Variants in MAP4K4 observed in about 807,000 individuals in gnomAD.
MAP4K4 encodes the protein HPK/GCK-like kinase HGK.
Under a neutral mutation model 189.6 loss-of-function variants are expected in MAP4K4, and 38 were observed. That is an observed-to-expected ratio of 0.20 (90% CI 0.15 to 0.26). The LOEUF is 0.26. MAP4K4 is among the 10% of genes least tolerant of loss of function. The pLI is 1.00. For missense variants in MAP4K4, 1,054 were observed against 1,726.9 expected, an observed-to-expected ratio of 0.61 and a Z score of 6.91; for synonymous variants, 610 against 624.3, an observed-to-expected ratio of 0.98 and a Z score of 0.34.
In MAP4K4 at chr2:101,778,046, T is replaced by G. The variant is rs12467640; in HGVS notation, c.124-12674T>G. On this transcript the variant is annotated intron_variant, in intron 2 of 32. Transcript: ENST00000324219. ...TGTTCTATTTCTACCAGTAATTCCG[T>G]AGGGGTAATTTTGGATGCTTGTGGG... Among the ~76,000 whole-genome samples the G allele has an allele frequency of 7.0e-3, 1,060 of 152,256 alleles. 51 individuals are homozygous for G. In the East Asian group the frequency reaches 0.12, roughly 18 times the overall value.
intron 2 of MAP4K4, among the ~76,000 whole-genome samples, chr2:101,779,263 T>G (rs1477870304): frequency 6.6e-6 from 1 of 152,084 alleles, no homozygotes; most frequent in African/African-American, 2.4e-5. Context: ...TCATCAAAAT[T>G]TTCCCTTTGC....
At chr2:101,856,175 G>T (rs2097448123) in intron 13 of MAP4K4, 37 bp downstream of exon 13, 2 of 1,539,112 alleles carry the variant, frequency 1.3e-6, no homozygotes. Flanking sequence ...ATACACTTGT[G>T]AAGTTTGTTA....
At chr2:101,835,664 AT>A (rs2096729246) in intron 8 of MAP4K4, among the ~76,000 whole-genome samples, 1 of 152,164 alleles carries the variant, frequency 6.6e-6, no homozygotes. Context: ...AAACTTTCCA[AT>A]GTCTTTTTGA....
chr2:101,869,732 G>A (rs773687320), exon 22 of MAP4K4: 1 of 1,595,020 alleles, frequency 6.3e-7, no homozygotes, highest in South Asian at 1.1e-5. Context: ...CGGATGAGGA[G>A]GACGACGATG....
At chr2:101,801,083 A>AGCT (rs2094322217) in intron 3 of MAP4K4, among the ~76,000 whole-genome samples, 1 of 152,082 alleles carries the variant, frequency 6.6e-6, no homozygotes, top group Non-Finnish European at 1.5e-5. Context: ...TCCTTTCCCC[A>AGCT]GCTGCTGCTG....
rs557652838 is a variant in MAP4K4 at position 101,825,980 on chromosome 2, C to T, written c.417+551C>T. 7.1e-4 allele frequency among the ~76,000 whole-genome samples: 108 copies of T among 152,254 alleles called. 2 individuals carry two copies. The highest frequency in any genetic ancestry group is 1.8e-4 in the Non-Finnish European group (12 of 68,018). On this transcript the variant is annotated intron_variant, in intron 5 of 32. Coordinates refer to ENST00000324219, the Ensembl canonical transcript of MAP4K4. Reference sequence around the variant, plus strand: ...CTATTTTAGCAGCTTTTAAATGGTTCTTTTGAGTAGTAAAGCCATATTGAC... The same window carrying T: ...CTATTTTAGCAGCTTTTAAATGGTTTTTTTGAGTAGTAAAGCCATATTGAC...
intron 9 of MAP4K4, 23 bp from the exon 10 acceptor site, chr2:101,839,796 A>G: frequency 2.0e-6 from 3 of 1,537,390 alleles, no homozygotes; most frequent in Non-Finnish European, 1.7e-6. Flanking sequence ...TGGAAATTTG[A>G]TGATCTTTTT....
chr2:101,735,099 T>A (rs2059850933), intron 2 of MAP4K4, among the ~76,000 whole-genome samples: 1 of 152,236 alleles, frequency 6.6e-6, no homozygotes, highest in Non-Finnish European at 1.5e-5. Flanking sequence ...TTATTTTCCC[T>A]TGATTAAGAG....
At chr2:101,870,310 G>C in exon 23 of MAP4K4, 8 of 1,612,898 alleles carry the variant, frequency 5.0e-6, no homozygotes, top group Non-Finnish European at 6.8e-6. Context: ...CTCTGAATTT[G>C]AGCAATGGTG....
intron 2 of MAP4K4, among the ~76,000 whole-genome samples, chr2:101,706,086 G>T (rs942519203): frequency 4.3e-4 from 65 of 152,278 alleles, no homozygotes; most frequent in African/African-American, 1.4e-3. Flanking sequence ...TGAATCGATA[G>T]TTATAATCAA....
intron 16 of MAP4K4, 78 bp downstream of exon 16, chr2:101,861,064 CAGTTT>C: frequency 7.4e-7 from 1 of 1,348,508 alleles, no homozygotes; most frequent in Non-Finnish European, 1.0e-6. Flanking sequence ...TGTAATATCA[CAGTTT>C]AGTTTGTCAC....
At chr2:101,790,856 GT>G (rs1426334508) in intron 3 of MAP4K4, 80 bp downstream of exon 3, 1 of 1,221,038 alleles carries the variant, frequency 8.2e-7, no homozygotes, top group Non-Finnish European at 1.2e-6. Flanking sequence ...GTATTACTCT[GT>G]TTGGAAAATC....
chr2:101,705,971 C>A (rs2042101426), intron 2 of MAP4K4, among the ~76,000 whole-genome samples: 1 of 152,086 alleles, frequency 6.6e-6, no homozygotes, highest in African/African-American at 2.4e-5. Flanking sequence ...TAAATATGAA[C>A]AAGTTATCCT....
chr2:101,785,229 C>T (rs1228982920), intron 2 of MAP4K4, among the ~76,000 whole-genome samples: 1 of 152,100 alleles, frequency 6.6e-6, no homozygotes, highest in Non-Finnish European at 1.5e-5. Flanking sequence ...TGTATGAGTA[C>T]AAAAGTTTTA....
exon 33 of MAP4K4, chr2:101,892,727 CTT>C (rs1192694876): frequency 5.5e-6 from 2 of 361,670 alleles, no homozygotes; most frequent in East Asian, 1.5e-4. Flanking sequence ...CACTTGCTCT[CTT>C]GTTCTCTGTT....
intron 2 of MAP4K4, among the ~76,000 whole-genome samples, chr2:101,775,712 A>AACCC: frequency 6.6e-6 from 1 of 152,314 alleles, no homozygotes; most frequent in Non-Finnish European, 1.5e-5. Context: ...GGGTGACCAT[A>AACCC]ACCTTCTGTG....
intron 14 of MAP4K4, 141 bp downstream of exon 14, chr2:101,859,223 T>A (rs1246710819): frequency 3.1e-6 from 2 of 643,300 alleles, no homozygotes; most frequent in Non-Finnish European, 5.6e-6. Flanking sequence ...CATTTTGTGG[T>A]CCTATTGCTA....
chr2:101,785,951 G>A (rs1402309859), intron 2 of MAP4K4, among the ~76,000 whole-genome samples: 2 of 151,886 alleles, frequency 1.3e-5, no homozygotes, highest in Non-Finnish European at 2.9e-5. Flanking sequence ...CAGCCTCCCC[G>A]AGTAGCTGGG....
chr2:101,797,804 A>G (rs1294315491), intron 3 of MAP4K4, among the ~76,000 whole-genome samples: 1 of 148,792 alleles, frequency 6.7e-6, no homozygotes, highest in African/African-American at 2.5e-5. Flanking sequence ...GTTCCACTGT[A>G]TCCTCATATA....
Sources: gnomAD v4.1 joint callset for allele counts (sites outside exome capture counted in the v4.1 genomes callset) on GRCh38, gnomAD v4.1.1 for gene constraint, MANE v1.5 for transcripts, NCBI Gene and HGNC (gene_info 2026-07-23, HGNC 2026-07-21) for gene names.